The following CTNNA2 variants were observed in gnomAD, a reference collection of about 807,000 sequenced individuals.
The protein encoded by CTNNA2 is catenin alpha-2.
In CTNNA2, 42 loss-of-function variants were observed where a neutral mutation model predicts 101.0. The observed-to-expected ratio is 0.42, with a 90% CI of 0.32 to 0.54. CTNNA2 has a LOEUF of 0.54. CTNNA2 is among the 20% of genes least tolerant of loss of function. The pLI is 0.14. For missense variants in CTNNA2, 871 were observed against 1,223.1 expected, an observed-to-expected ratio of 0.71 and a Z score of 4.29; for synonymous variants, 450 against 456.4, an observed-to-expected ratio of 0.99 and a Z score of 0.18.
intron 2 of CTNNA2, among the ~76,000 whole-genome samples, chr2:79,680,293 T>C (rs1391502042): frequency 3.9e-5 from 6 of 152,008 alleles, no homozygotes; most frequent in African/African-American, 1.5e-4. Context: ...ACTGAAAAGG[T>C]AGGTTACTTG....
chr2:80,618,617 G>T (rs1699045261), intron 17 of CTNNA2: 1 of 152,196 alleles, frequency 6.6e-6, no homozygotes, highest in Non-Finnish European at 1.5e-5. Flanking sequence ...ATGTACAGAG[G>T]TTGGATGTGC....
chr2:80,246,741 G>A (rs1259865576), intron 7 of CTNNA2, among the ~76,000 whole-genome samples: 1 of 152,148 alleles, frequency 6.6e-6, no homozygotes, highest in Non-Finnish European at 1.5e-5. Flanking sequence ...GAATCACTTT[G>A]CAAGAAGTAA....
At chr2:80,441,126 G>A (rs570431875) in intron 9 of CTNNA2, among the ~76,000 whole-genome samples, 6 of 152,160 alleles carry the variant, frequency 3.9e-5, no homozygotes, top group Non-Finnish European at 7.3e-5. Flanking sequence ...ATAGAATTAC[G>A]TTCAAGTACT....
chr2:80,079,769 G>A (rs546905031), intron 7 of CTNNA2, among the ~76,000 whole-genome samples: 2 of 149,798 alleles, frequency 1.3e-5, no homozygotes, highest in Non-Finnish European at 2.9e-5. Flanking sequence ...AGCCGGGATT[G>A]CGCCACTGCA....
At chr2:80,450,789 G>A (rs1410769864) in intron 9 of CTNNA2, among the ~76,000 whole-genome samples, 3 of 152,164 alleles carry the variant, frequency 2.0e-5, no homozygotes, top group Non-Finnish European at 4.4e-5. Context: ...TGGCAGAACT[G>A]TATTAGTCTA....
intron 4 of CTNNA2, among the ~76,000 whole-genome samples, chr2:79,408,895 A>G (rs1354846608): frequency 4.0e-5 from 6 of 151,362 alleles, no homozygotes; most frequent in Non-Finnish European, 8.8e-5. Flanking sequence ...ACAATGGTTG[A>G]ACTAGTTTAC....
chr2:80,122,656 C>T (rs1701905377), intron 7 of CTNNA2, among the ~76,000 whole-genome samples: 1 of 152,046 alleles, frequency 6.6e-6, no homozygotes, highest in Non-Finnish European at 1.5e-5. Flanking sequence ...AGTCCACACT[C>T]AATAAATGTC....
intron 3 of CTNNA2, among the ~76,000 whole-genome samples, chr2:79,354,146 T>A (rs1677453172): frequency 6.6e-6 from 1 of 152,150 alleles, no homozygotes; most frequent in African/African-American, 2.4e-5. Context: ...CTAATGCCAT[T>A]GTGTCTTGGG....
At chr2:80,103,664 C>T (rs1183453505) in intron 7 of CTNNA2, among the ~76,000 whole-genome samples, 1 of 151,714 alleles carries the variant, frequency 6.6e-6, no homozygotes, top group African/African-American at 2.4e-5. Flanking sequence ...TGTGTGCACA[C>T]ACCTGAGTGA....
intron 1 of CTNNA2, among the ~76,000 whole-genome samples, chr2:79,549,011 C>T (rs7576467): frequency 0.046 from 7,019 of 152,160 alleles, 441 homozygotes; most frequent in East Asian, 0.22. Context: ...GGTCCGTTGC[C>T]GCTTAATGGT....
intron 1 of CTNNA2, among the ~76,000 whole-genome samples, chr2:79,582,745 A>G (rs1448268286): frequency 2.6e-5 from 4 of 152,078 alleles, no homozygotes; most frequent in African/African-American, 7.2e-5. Flanking sequence ...TTTCAATGCC[A>G]GGTTTGTTCA....
At chr2:79,922,064 T>G (rs1686695564) in intron 7 of CTNNA2, among the ~76,000 whole-genome samples, 1 of 152,218 alleles carries the variant, frequency 6.6e-6, no homozygotes, top group Admixed American at 6.5e-5. Context: ...TATTGAGAAT[T>G]ATCTGACGTA....
intron 4 of CTNNA2, among the ~76,000 whole-genome samples, chr2:79,453,413 G>A (rs1425069531): frequency 1.3e-5 from 2 of 152,076 alleles, no homozygotes; most frequent in Admixed American, 1.3e-4. Flanking sequence ...TGCTATAAAT[G>A]TGACAATGAA....
At chr2:79,993,305 C>T (rs1182427815) in intron 7 of CTNNA2, among the ~76,000 whole-genome samples, 1 of 152,192 alleles carries the variant, frequency 6.6e-6, no homozygotes, top group Non-Finnish European at 1.5e-5. Flanking sequence ...ATGGTATGCA[C>T]TGAAGTCACT....
chr2:80,503,849 G>A (rs1450273457), intron 9 of CTNNA2, among the ~76,000 whole-genome samples: 2 of 152,044 alleles, frequency 1.3e-5, no homozygotes, highest in Admixed American at 6.6e-5. Flanking sequence ...TTGGAGTCTA[G>A]GAAATAGTCT....
intron 8 of CTNNA2, among the ~76,000 whole-genome samples, chr2:80,400,522 AC>A (rs1479989892): frequency 6.6e-6 from 1 of 151,814 alleles, no homozygotes; most frequent in African/African-American, 2.4e-5. Flanking sequence ...AGTTTTAACA[AC>A]CCTCTATTTA....
chr2:80,074,979 T>C (rs912482593), intron 7 of CTNNA2, among the ~76,000 whole-genome samples: 30 of 152,340 alleles, frequency 2.0e-4, no homozygotes, highest in African/African-American at 7.0e-4. Context: ...TTAAAACTAC[T>C]GTGTACATGA....
intron 14 of CTNNA2, chr2:80,586,545 G>C (rs189946015): frequency 6.6e-6 from 1 of 152,146 alleles, no homozygotes; most frequent in Non-Finnish European, 1.5e-5. Context: ...GAAAGGAATA[G>C]TTAAGGAAAA....
chr2:80,053,259 G>C (rs140890380), intron 7 of CTNNA2, among the ~76,000 whole-genome samples: 30 of 152,198 alleles, frequency 2.0e-4, no homozygotes, highest in Non-Finnish European at 3.5e-4. Flanking sequence ...ACATTTCCAG[G>C]GGAGTTTCAA....
Sources: allele counts gnomAD v4.1 joint callset (sites outside exome capture counted in the v4.1 genomes callset), GRCh38; gene constraint gnomAD v4.1.1; transcripts MANE v1.5; gene names NCBI Gene and HGNC (gene_info 2026-07-23, HGNC 2026-07-21).